STK33: variants seen among roughly 807,000 people sequenced by gnomAD.
STK33 encodes serine/threonine kinase 33.
STK33 carries 52 observed loss-of-function variants against 58.0 expected under a neutral mutation model. The ratio of observed to expected loss-of-function variants is 0.90; its 90% CI spans 0.72 to 1.13. STK33 has a LOEUF of 1.13. Ranked by LOEUF, STK33 falls within the 50% of genes most tolerant of loss-of-function variation. STK33 has a pLI of 0.00. For missense variants in STK33, 630 were observed against 604.2 expected (o/e 1.04, Z -0.45); for synonymous variants, 215 against 200.1 (o/e 1.07, Z -0.63).
the STK33 span, among the ~76,000 whole-genome samples, chr11:8,347,575 G>A: frequency 2.0e-5 from 3 of 152,168 alleles, no homozygotes; most frequent in South Asian, 6.2e-4. Context: ...CGAGAGAAAC[G>A]AGCGCTATGG....
chr11:8,357,250 G>A, the STK33 span, among the ~76,000 whole-genome samples: 1 of 152,220 alleles, frequency 6.6e-6, no homozygotes, highest in Non-Finnish European at 1.5e-5. Context: ...CGCGCGGCGC[G>A]ATTACACATT....
At chr11:8,529,435 G>C (rs1954334127) in intron 1 of STK33, among the ~76,000 whole-genome samples, 1 of 152,152 alleles carries the variant, frequency 6.6e-6, no homozygotes, top group Non-Finnish European at 1.5e-5. Context: ...ACAAGATTCA[G>C]AATTCAAGGT....
chr11:8,477,454 C>T (rs977647497), intron 2 of STK33, among the ~76,000 whole-genome samples, 171 bp from the exon 3 acceptor site: 2 of 152,020 alleles, frequency 1.3e-5, no homozygotes, highest in Non-Finnish European at 2.9e-5. Flanking sequence ...TCATTTTTTG[C>T]ATACATTAAG....
chr11:8,463,270 C>T (rs1449498374), intron 7 of STK33, among the ~76,000 whole-genome samples: 1 of 152,208 alleles, frequency 6.6e-6, no homozygotes, highest in Non-Finnish European at 1.5e-5. Context: ...CAGAGTGAAA[C>T]TGTTCTACCT....
At chr11:8,412,701 C>A (rs1199217149) in intron 15 of STK33, among the ~76,000 whole-genome samples, 7 of 152,164 alleles carry the variant, frequency 4.6e-5, no homozygotes, top group Non-Finnish European at 1.0e-4. Context: ...TCCCTGCTGG[C>A]AGGATGCTCA....
At chr11:8,551,164 C>G (rs1432967698) in intron 1 of STK33, among the ~76,000 whole-genome samples, 3 of 151,680 alleles carry the variant, frequency 2.0e-5, no homozygotes, top group African/African-American at 7.3e-5. Context: ...GAGTCTTGTT[C>G]TATTACCCAG....
chr11:8,567,653 T>G (rs1474457269), intron 1 of STK33, among the ~76,000 whole-genome samples: 1 of 152,230 alleles, frequency 6.6e-6, no homozygotes, highest in Admixed American at 6.5e-5. Flanking sequence ...GGTAACCTTT[T>G]GTAGGAAATA....
chr11:8,518,805 T>A (rs1282410394), intron 1 of STK33, among the ~76,000 whole-genome samples: 11 of 152,188 alleles, frequency 7.2e-5, no homozygotes, highest in Admixed American at 7.2e-4. Context: ...CCTAAATATA[T>A]ATGCACCTAA....
chr11:8,355,745 A>G, the STK33 span, among the ~76,000 whole-genome samples: 2 of 152,228 alleles, frequency 1.3e-5, no homozygotes, highest in African/African-American at 4.8e-5. Context: ...GGGATGATAA[A>G]TACTAATACT....
chr11:8,481,167 C>T (rs1565149609), intron 1 of STK33, among the ~76,000 whole-genome samples: 1 of 152,112 alleles, frequency 6.6e-6, no homozygotes, highest in Non-Finnish European at 1.5e-5. Context: ...TCCTCAAGAT[C>T]ACTTTCAAGG....
chr11:8,485,218 C>T (rs773308892), intron 1 of STK33, among the ~76,000 whole-genome samples: 1 of 151,998 alleles, frequency 6.6e-6, no homozygotes, highest in Non-Finnish European at 1.5e-5. Flanking sequence ...TTATAATTTC[C>T]AAAAAGTCCA....
At chr11:8,459,143 T>C (rs1398350434) in intron 8 of STK33, among the ~76,000 whole-genome samples, 1 of 152,216 alleles carries the variant, frequency 6.6e-6, no homozygotes, top group Non-Finnish European at 1.5e-5. Flanking sequence ...AATATATAAG[T>C]TGGTCAAAGT....
intron 1 of STK33, among the ~76,000 whole-genome samples, chr11:8,502,479 A>T (rs1951590600): frequency 6.6e-6 from 1 of 152,210 alleles, no homozygotes; most frequent in Non-Finnish European, 1.5e-5. Context: ...ACAAAAATCA[A>T]CTCAAGATGG....
chr11:8,542,966 C>T (rs1472139084), intron 1 of STK33, among the ~76,000 whole-genome samples: 2 of 152,186 alleles, frequency 1.3e-5, no homozygotes, highest in African/African-American at 2.4e-5. Context: ...ACGCCTCAGC[C>T]TCCCAAAGTG....
chr11:8,591,471 T>A, intron 1 of STK33, among the ~76,000 whole-genome samples: 1 of 152,136 alleles, frequency 6.6e-6, no homozygotes, highest in East Asian at 1.9e-4. Flanking sequence ...TTTCTATAAA[T>A]CATAAGCCAT....
chr11:8,555,447 T>C (rs892698322), intron 1 of STK33, among the ~76,000 whole-genome samples: 2 of 152,154 alleles, frequency 1.3e-5, no homozygotes, highest in Non-Finnish European at 2.9e-5. Flanking sequence ...GTGGATTGCC[T>C]GAGCCCAGGA....
At chr11:8,473,801 G>C (rs985049399) in intron 5 of STK33, among the ~76,000 whole-genome samples, 1 of 152,140 alleles carries the variant, frequency 6.6e-6, no homozygotes, top group African/African-American at 2.4e-5. Flanking sequence ...ATGGGAACCT[G>C]ACTTTTCTTA....
At chr11:8,453,689 C>A (rs1376853396) in intron 10 of STK33, among the ~76,000 whole-genome samples, 1 of 152,196 alleles carries the variant, frequency 6.6e-6, no homozygotes, top group Non-Finnish European at 1.5e-5. Flanking sequence ...GAAAAACAGA[C>A]ACATTTATTG....
At chr11:8,519,242 C>G (rs958677846) in intron 1 of STK33, among the ~76,000 whole-genome samples, 8 of 152,274 alleles carry the variant, frequency 5.3e-5, no homozygotes, top group African/African-American at 1.9e-4. Flanking sequence ...GGAATGACTA[C>G]TGGGTACATA....
Sources: gnomAD v4.1 joint callset for allele counts (sites outside exome capture counted in the v4.1 genomes callset) on GRCh38, gnomAD v4.1.1 for gene constraint, MANE v1.5 for transcripts, NCBI Gene and HGNC (gene_info 2026-07-23, HGNC 2026-07-21) for gene names.